SLC24A2: variants seen among roughly 807,000 people sequenced by gnomAD.
SLC24A2 encodes sodium/potassium/calcium exchanger 2.
In SLC24A2, 36 loss-of-function variants were observed where a neutral mutation model predicts 62.0. The ratio of observed to expected loss-of-function variants is 0.58; its 90% CI spans 0.44 to 0.77. The LOEUF is 0.77. Among genes scored for constraint, SLC24A2 ranks in the 30% least tolerant of loss-of-function variants. The pLI is 0.00. For missense variants in SLC24A2, 846 were observed against 817.9 expected (o/e 1.03, Z -0.42); for synonymous variants, 358 against 294.0 (o/e 1.22, Z -2.23).
intron 4 of SLC24A2, among the ~76,000 whole-genome samples, chr9:19,606,166 T>C (rs1478456137): frequency 6.6e-6 from 1 of 152,150 alleles, no homozygotes; most frequent in African/African-American, 2.4e-5. Flanking sequence ...TAGGAAACCT[T>C]GCATGACCTG....
chr9:20,254,436 T>C, the SLC24A2 span, among the ~76,000 whole-genome samples: 1 of 152,182 alleles, frequency 6.6e-6, no homozygotes, highest in Non-Finnish European at 1.5e-5. Context: ...TCAACAAATG[T>C]GTTCAATAGC....
the SLC24A2 span, among the ~76,000 whole-genome samples, chr9:20,254,075 C>T: frequency 2.0e-5 from 3 of 152,168 alleles, no homozygotes; most frequent in Non-Finnish European, 2.9e-5. Flanking sequence ...AATAAAACTG[C>T]TGATAGTAGC....
chr9:19,654,970 T>C (rs539247116), intron 2 of SLC24A2, among the ~76,000 whole-genome samples: 2 of 152,322 alleles, frequency 1.3e-5, no homozygotes, highest in South Asian at 4.1e-4. Flanking sequence ...AAAGCCACTT[T>C]CCTTACAAAT....
At chr9:19,838,159 C>T in the SLC24A2 span, among the ~76,000 whole-genome samples, 1 of 152,262 alleles carries the variant, frequency 6.6e-6, no homozygotes, top group East Asian at 1.9e-4. Flanking sequence ...CGCTACCTGA[C>T]TTTAAACTAT....
chr9:19,983,660 T>C, the SLC24A2 span, among the ~76,000 whole-genome samples: 2 of 151,972 alleles, frequency 1.3e-5, no homozygotes, highest in African/African-American at 2.4e-5. Context: ...AAGAAAAAAA[T>C]GTTTTATTTT....
chr9:19,548,820 C>G (rs1441325500), intron 8 of SLC24A2, among the ~76,000 whole-genome samples: 1 of 152,186 alleles, frequency 6.6e-6, no homozygotes, highest in African/African-American at 2.4e-5. Flanking sequence ...AAGGGCCAGC[C>G]CTGGGATGGA....
the SLC24A2 span, among the ~76,000 whole-genome samples, chr9:20,155,317 C>T: frequency 1.3e-5 from 2 of 151,696 alleles, no homozygotes; most frequent in African/African-American, 4.8e-5. Flanking sequence ...CACCTTTACC[C>T]TCGCCTCCAC....
At chr9:19,907,453 C>A in the SLC24A2 span, among the ~76,000 whole-genome samples, 1 of 152,140 alleles carries the variant, frequency 6.6e-6, no homozygotes, top group African/African-American at 2.4e-5. Context: ...TCCTATTCAA[C>A]ATAGTGTTGG....
At chr9:20,126,171 A>T in the SLC24A2 span, among the ~76,000 whole-genome samples, 1 of 152,160 alleles carries the variant, frequency 6.6e-6, no homozygotes, top group Non-Finnish European at 1.5e-5. Context: ...TCTTCCCCAA[A>T]GTCCTCTGCC....
chr9:20,296,196 T>G, the SLC24A2 span, among the ~76,000 whole-genome samples: 1 of 152,248 alleles, frequency 6.6e-6, no homozygotes, highest in Non-Finnish European at 1.5e-5. Flanking sequence ...ACGAAATGTA[T>G]AGACCACAAC....
chr9:19,693,573 A>T (rs1286576385), intron 2 of SLC24A2, among the ~76,000 whole-genome samples: 19 of 152,106 alleles, frequency 1.2e-4, no homozygotes, highest in Admixed American at 1.2e-3. Context: ...ATATAAAGAG[A>T]TTTAAAAACG....
chr9:20,266,357 T>A, the SLC24A2 span, among the ~76,000 whole-genome samples: 2 of 152,174 alleles, frequency 1.3e-5, no homozygotes, highest in African/African-American at 4.8e-5. Context: ...TGATGCTTAG[T>A]GAAAATAGAA....
At chr9:20,256,824 T>A in the SLC24A2 span, among the ~76,000 whole-genome samples, 59 of 152,166 alleles carry the variant, frequency 3.9e-4, no homozygotes, top group African/African-American at 1.3e-3. Context: ...TTACTCTTTT[T>A]ATTTGCTCCT....
chr9:20,142,660 A>G, the SLC24A2 span, among the ~76,000 whole-genome samples: 33 of 152,098 alleles, frequency 2.2e-4, no homozygotes, highest in African/African-American at 7.2e-4. Flanking sequence ...GCAGTGGCAC[A>G]ATCTCAGCTC....
the SLC24A2 span, among the ~76,000 whole-genome samples, chr9:20,302,783 T>G: frequency 2.6e-5 from 4 of 152,322 alleles, no homozygotes; most frequent in South Asian, 2.1e-4. Flanking sequence ...TTTGGTGGTG[T>G]TGTCATTTAT....
the SLC24A2 span, among the ~76,000 whole-genome samples, chr9:20,160,925 AGATT>A: frequency 1.2e-4 from 18 of 151,332 alleles, no homozygotes; most frequent in South Asian, 3.1e-3. Flanking sequence ...GAAAACCTAT[AGATT>A]AAGTTAATAT....
chr9:19,653,939 C>T (rs1345908769), intron 2 of SLC24A2, among the ~76,000 whole-genome samples: 1 of 152,116 alleles, frequency 6.6e-6, no homozygotes, highest in African/African-American at 2.4e-5. Context: ...CTTATTAAGG[C>T]AAAATTTACA....
chr9:19,779,383 A>C (rs1264059223), intron 2 of SLC24A2, among the ~76,000 whole-genome samples: 1 of 152,242 alleles, frequency 6.6e-6, no homozygotes, highest in African/African-American at 2.4e-5. Flanking sequence ...ATTTCTTATA[A>C]AGGAGCAATG....
At chr9:19,785,807 C>G (rs565304024) in intron 2 of SLC24A2, 130 bp downstream of exon 2, 4 of 1,204,964 alleles carry the variant, frequency 3.3e-6, no homozygotes, top group South Asian at 2.6e-5. Context: ...TATCACAGAA[C>G]TGCAGAATCA....
Sources: gnomAD v4.1 joint callset for allele counts (sites outside exome capture counted in the v4.1 genomes callset) on GRCh38, gnomAD v4.1.1 for gene constraint, MANE v1.5 for transcripts, NCBI Gene and HGNC (gene_info 2026-07-23, HGNC 2026-07-21) for gene names.